BCAS1: variants seen among roughly 807,000 people sequenced by gnomAD.
BCAS1 encodes the protein brain enriched myelin associated protein 1, also known as breast carcinoma-amplified sequence 1.
BCAS1 carries 46 observed loss-of-function variants against 65.4 expected under a neutral mutation model. The ratio of observed to expected loss-of-function variants is 0.70; its 90% CI spans 0.55 to 0.90. The LOEUF is 0.90. BCAS1 is among the 40% of genes least tolerant of loss of function. The pLI, the probability that BCAS1 is intolerant of heterozygous loss-of-function variation, is 0.00. For missense variants in BCAS1, 793 were observed against 771.2 expected (o/e 1.03, Z -0.33); for synonymous variants, 298 against 293.5 (o/e 1.02, Z -0.16).
chr20:53,995,139 G>A, intron 5 of BCAS1, 83 bp from the exon 6 acceptor site: 1 of 1,251,290 alleles, frequency 8.0e-7, no homozygotes, highest in Non-Finnish European at 1.2e-6. Context: ...ACTCTTTAGG[G>A]TGGTCCAGTT....
In BCAS1 at chr20:54,028,860, T is replaced by G. The variant is rs755398167; in HGVS notation, c.255A>C (p.Lys85Asn). 4.3e-6 allele frequency: 7 copies of G among 1,613,866 alleles called. No homozygotes were observed. In the South Asian group the frequency reaches 7.7e-5, roughly 18 times the overall value. Residue 85 changes from lysine (K) to asparagine (N), a missense_variant, in exon 4 of 13, where the codon AAA becomes AAC. Transcript: ENST00000688948. ...ANGKNLGKEA[K>N]PEAPAAKSRF... ...GAGATTTAGCAGCTGGTGCCTCGGG[T>G]TTGGCCTCTTTCCCAAGATTCTTTC...
intron 10 of BCAS1, among the ~76,000 whole-genome samples, chr20:53,959,404 C>T (rs994382007): frequency 4.6e-5 from 7 of 152,156 alleles, no homozygotes; most frequent in African/African-American, 1.4e-4. Context: ...CAGGCGCCTG[C>T]CAACACGCCC....
chr20:54,028,601 G>T lies in BCAS1; in HGVS notation c.514C>A (p.Leu172Ile). The change falls in exon 4 of 13, where the codon CTT becomes ATT. Residue 172 changes from leucine (L) to isoleucine (I), a missense_variant. By Grantham distance (5) the Leu-to-Ile change is conservative (BLOSUM62 2). Coordinates refer to ENST00000688948, the MANE Select transcript of BCAS1 (RefSeq NM_001366298.2). The part of the protein sequence containing the change: ...KVLSAARDPT[L>I]LPPETGGAGG... Reference sequence around the variant, plus strand: ...GCTCCCCCTGTCTCAGGTGGGAGAAGCGTGGGATCCCTGGCGGCAGAGAGG... The same window carrying T: ...GCTCCCCCTGTCTCAGGTGGGAGAATCGTGGGATCCCTGGCGGCAGAGAGG... 6.2e-7 allele frequency: 1 copy of T among 1,614,214 alleles called. No individual in the cohort carries two copies. Among genetic ancestry groups the T allele is most frequent in the Non-Finnish European group, 8.5e-7 (1 of 1,180,034 alleles).
intron 3 of BCAS1, among the ~76,000 whole-genome samples, chr20:54,030,666 T>G (rs1208844832): frequency 6.6e-6 from 1 of 151,302 alleles, no homozygotes; most frequent in Non-Finnish European, 1.5e-5. Flanking sequence ...TGTCTCGCAG[T>G]GTCTAGACTA....
At position 53,944,034 on chromosome 20, in the gene BCAS1, A is replaced by G. The variant is rs1332424479; in HGVS notation, c.*888T>C. On this transcript the variant is annotated 3_prime_UTR_variant, in exon 13 of 13. Coordinates refer to ENST00000688948, the MANE Select transcript of BCAS1 (RefSeq NM_001366298.2). ...TCAAAAGCAATTGTTTTCCCAAATC[A>G]TTTTAAGCCCTCCCCAGTCAATCTT... The G allele has an allele frequency of 6.6e-6, 1 of 151,748 alleles. No individual in the cohort carries two copies. The highest frequency in any genetic ancestry group is 1.5e-5 in the Non-Finnish European group (1 of 67,968). 9.4% of individuals were successfully genotyped at this position (151,748 alleles called of 1,614,324 possible). A position where few individuals can be genotyped will look rare whatever the true frequency, so the allele number is the denominator to read the frequency against.
At chr20:53,957,645 T>C (rs1411281209) in intron 10 of BCAS1, 148 bp from the exon 11 acceptor site, 1 of 689,654 alleles carries the variant, frequency 1.5e-6, no homozygotes, top group Non-Finnish European at 2.5e-6. Flanking sequence ...ATGTTACTCA[T>C]TGGATATAGA....
At chr20:53,949,000 A>C (rs937669108) in intron 12 of BCAS1, among the ~76,000 whole-genome samples, 1 of 152,020 alleles carries the variant, frequency 6.6e-6, no homozygotes, top group African/African-American at 2.4e-5. Flanking sequence ...TCAAGCCTCC[A>C]TTTGTTCACC....
rs749887674 is a variant in BCAS1 at position 54,028,791 on chromosome 20, T to G, written c.324A>C (p.Gly108=). 1.2e-6 allele frequency: 2 copies of G among 1,614,178 alleles called. No homozygotes were observed. Among genetic ancestry groups the G allele is most frequent in the South Asian group, 2.2e-5 (2 of 91,090 alleles). The change falls in exon 4 of 13, where the codon GGA becomes GGC. Residue 108 remains glycine (G), a synonymous_variant. Coordinates refer to ENST00000688948, the MANE Select transcript of BCAS1 (RefSeq NM_001366298.2). ...CAAGGGATGAATCTGCGGCTTGGTC[T>G]CCGGTACGTCCTGGTACAGGCCGAG... The part of the protein sequence containing the change: ...MLSRPVPGRT[G]DQAADSSLGS...
At position 54,025,164 on chromosome 20, in the gene BCAS1, C is replaced by A. The variant is rs158547; in HGVS notation, c.723+3228G>T. Among the ~76,000 whole-genome samples, 5 of 152,232 alleles carry A rather than the reference C, an allele frequency of 3.3e-5. No individual in the cohort carries two copies. In the East Asian group the frequency reaches 9.7e-4, roughly 29 times the overall value. Reference sequence around the variant, plus strand: ...TGGCAACACTTTATGCGCCCCACACCCCCACTCAACACAAACACAACTCTG... The same window carrying A: ...TGGCAACACTTTATGCGCCCCACACACCCACTCAACACAAACACAACTCTG... On this transcript the variant is annotated intron_variant, in intron 4 of 12. Transcript: ENST00000688948.
At chr20:54,052,423 A>G (rs989514792) in intron 3 of BCAS1, among the ~76,000 whole-genome samples, 5 of 152,182 alleles carry the variant, frequency 3.3e-5, no homozygotes, top group Admixed American at 3.3e-4. Flanking sequence ...ATGCTGTTGC[A>G]TTGATCAGTA....
chr20:53,993,719 T>G (rs749004513), intron 6 of BCAS1, among the ~76,000 whole-genome samples: 8 of 152,164 alleles, frequency 5.3e-5, no homozygotes, highest in Non-Finnish European at 1.2e-4. Context: ...AAGAAATACG[T>G]TTTGCCCCAA....
In BCAS1 at chr20:53,992,576, G is replaced by A; in HGVS notation, c.998C>T (p.Thr333Ile). ...QKTSEIQARG[T>I]KKKHLDSPRL... ...GGGGCTATCCAGGTGCTTTTTCTTG[G>A]TGCCTCTAGCCTGGATCTCGGATGT... is the stretch of plus-strand genomic sequence containing the variant. Residue 333 changes from threonine to isoleucine, a missense_variant, in exon 7 of 13, where the codon ACC (threonine) becomes ATC (isoleucine). Physicochemically the swap from Thr to Ile is moderately conservative, Grantham distance 89. Coordinates refer to ENST00000688948, the MANE Select transcript of BCAS1 (RefSeq NM_001366298.2). The A allele has an allele frequency of 2.2e-6, 3 of 1,365,338 alleles. No individual in the cohort carries two copies. Among genetic ancestry groups the A allele is most frequent in the Non-Finnish European group, 2.9e-6 (3 of 1,021,622 alleles). 84.6% of individuals were successfully genotyped at this position (1,365,338 alleles called of 1,614,324 possible).
intron 1 of BCAS1, among the ~76,000 whole-genome samples, chr20:54,064,097 C>T (rs947721218): frequency 2.0e-5 from 3 of 152,182 alleles, no homozygotes; most frequent in Admixed American, 6.5e-5. Context: ...TTCACTTCCC[C>T]GCCTCCTGCC....
Position 53,944,888 on chromosome 20 carries a change from G to A in BCAS1, c.*34C>T. 6.3e-7 allele frequency: 1 copy of A among 1,588,094 alleles called. No individual in the cohort carries two copies. The highest frequency in any genetic ancestry group is 8.6e-7 in the Non-Finnish European group (1 of 1,156,312). ...GGAGTAAGGAGAACACATCTTGGTGGCAGGAGAACCTGGTGGGAACCGTGC... is the reference window on the plus strand; with the variant it reads ...GGAGTAAGGAGAACACATCTTGGTGACAGGAGAACCTGGTGGGAACCGTGC... On this transcript the variant is annotated 3_prime_UTR_variant, in exon 13 of 13. Transcript: ENST00000688948.
At chr20:54,066,798 G>C (rs770709508) in intron 1 of BCAS1, among the ~76,000 whole-genome samples, 7 of 152,192 alleles carry the variant, frequency 4.6e-5, no homozygotes, top group African/African-American at 9.7e-5. Context: ...CACCTAGTCT[G>C]TGGTGTTTTG....
chr20:53,948,932 G>A (rs955589423), intron 12 of BCAS1, among the ~76,000 whole-genome samples: 4 of 152,124 alleles, frequency 2.6e-5, no homozygotes, highest in African/African-American at 9.7e-5. Context: ...CAGTGACTGC[G>A]CTGATTGTCA....
At chr20:54,024,925 T>C (rs2091639078) in intron 4 of BCAS1, among the ~76,000 whole-genome samples, 1 of 152,158 alleles carries the variant, frequency 6.6e-6, no homozygotes, top group African/African-American at 2.4e-5. Context: ...TTGTTCTTAT[T>C]ATTAGTAGCC....
chr20:54,050,004 C>A (rs2092182497), intron 3 of BCAS1, among the ~76,000 whole-genome samples: 1 of 152,090 alleles, frequency 6.6e-6, no homozygotes, highest in Non-Finnish European at 1.5e-5. Context: ...GCCTGTAGGT[C>A]AAAAATGGGT....
Position 53,959,628 on chromosome 20 carries a change from G to A in BCAS1, c.1486-2131C>T, listed in dbSNP as rs146618323. ...GCCCAGGTTGGTCTCGAGCTCCTGG[G>A]CTCAAGTGATCCTCCAGCCTTGGCC... On this transcript the variant is annotated intron_variant, in intron 10 of 12. Coordinates refer to ENST00000688948, the MANE Select transcript of BCAS1 (RefSeq NM_001366298.2). Among the ~76,000 whole-genome samples the A allele has an allele frequency of 3.2e-3, 492 of 152,250 alleles. 4 individuals are homozygous for A. The highest frequency in any genetic ancestry group is 0.011 in the African/African-American group (466 of 41,552).
Sources: allele counts gnomAD v4.1 joint callset (sites outside exome capture counted in the v4.1 genomes callset), GRCh38; gene constraint gnomAD v4.1.1; transcripts MANE v1.5; gene names NCBI Gene and HGNC (gene_info 2026-07-23, HGNC 2026-07-21).